ARID2: variants seen among roughly 807,000 people sequenced by gnomAD.
The protein encoded by ARID2 is AT-rich interaction domain 2, also known as AT-rich interactive domain-containing protein 2.
In ARID2, 32 loss-of-function variants were observed where a neutral mutation model predicts 184.6. That is an observed-to-expected ratio of 0.17 (90% CI 0.13 to 0.23). The LOEUF (loss-of-function observed/expected upper bound fraction) is 0.23. Ranked by LOEUF, ARID2 falls within the 10% of genes least tolerant of loss-of-function variation. The pLI, the probability that ARID2 is intolerant of heterozygous loss-of-function variation, is 1.00. For synonymous variants in ARID2, 836 were observed against 772.6 expected (o/e 1.08, Z -1.36); for missense variants, 1,696 against 2,197.6 (o/e 0.77, Z 4.56).
chr12:45,774,444 G>A (rs760922540), intron 3 of ARID2, among the ~76,000 whole-genome samples: 1 of 152,032 alleles, frequency 6.6e-6, no homozygotes, highest in Non-Finnish European at 1.5e-5. Flanking sequence ...ATTTGTATGC[G>A]TCTCACTTGA....
chr12:45,875,551 A>G (rs1943996774), intron 16 of ARID2, among the ~76,000 whole-genome samples: 1 of 152,224 alleles, frequency 6.6e-6, no homozygotes, highest in Non-Finnish European at 1.5e-5. Context: ...TCTAGCTATG[A>G]AAGTCCTAGA....
intron 3 of ARID2, among the ~76,000 whole-genome samples, chr12:45,783,324 G>GA (rs1942132457): frequency 1.3e-5 from 2 of 152,268 alleles, no homozygotes; most frequent in Non-Finnish European, 2.9e-5. Flanking sequence ...GCACTACAGT[G>GA]AAAAATATAT....
chr12:45,794,672 AG>A (rs1942355928), intron 3 of ARID2, among the ~76,000 whole-genome samples: 1 of 152,198 alleles, frequency 6.6e-6, no homozygotes, highest in Non-Finnish European at 1.5e-5. Context: ...CTAATGGTAG[AG>A]GGCATTCGTC....
At position 45,906,078 on chromosome 12, in the gene ARID2, A is replaced by T. The variant is rs936240922; in HGVS notation, c.*1000A>T. ...AAGGTATTTTTTGGTTTTCCTTAAC[A>T]TGTATCCACTGTAAACGTTTGTCGT... On this transcript the variant is annotated 3_prime_UTR_variant, in exon 21 of 21. Transcript: ENST00000334344. The T allele has an allele frequency of 4.3e-6, 1 of 232,160 alleles. No individual in the cohort carries two copies. Among genetic ancestry groups the T allele is most frequent in the Admixed American group, 5.6e-5 (1 of 17,718 alleles). 14.4% of individuals were successfully genotyped at this position (232,160 alleles called of 1,614,324 possible). A position where few individuals can be genotyped will look rare whatever the true frequency, so the allele number is the denominator to read the frequency against.
At chr12:45,819,076 A>G (rs762122521) in intron 5 of ARID2, among the ~76,000 whole-genome samples, 41 of 152,166 alleles carry the variant, frequency 2.7e-4, no homozygotes, top group Non-Finnish European at 5.6e-4. Flanking sequence ...GGAGTTGAAA[A>G]TTGTTTCACA....
At chr12:45,857,332 G>A (rs764414484) in intron 15 of ARID2, among the ~76,000 whole-genome samples, 14 of 152,106 alleles carry the variant, frequency 9.2e-5, no homozygotes, top group Non-Finnish European at 1.6e-4. Context: ...AGCCTCAGGC[G>A]GGGGCAGCAT....
intron 3 of ARID2, among the ~76,000 whole-genome samples, chr12:45,796,623 C>T (rs539200492): frequency 6.6e-6 from 1 of 152,220 alleles, no homozygotes; most frequent in East Asian, 1.9e-4. Flanking sequence ...AAGCAGTTCG[C>T]CTGCTTTAGT....
intron 13 of ARID2, among the ~76,000 whole-genome samples, chr12:45,849,336 TTA>T (rs1943498144): frequency 5.3e-5 from 8 of 152,196 alleles, no homozygotes; most frequent in Admixed American, 5.2e-4. Flanking sequence ...TAGGTATCTT[TTA>T]TTAGTTATAT....
In ARID2 at chr12:45,749,205, A is replaced by G. The variant is rs1362247062; in HGVS notation, c.284+17891A>G. Among the ~76,000 whole-genome samples, 5 of 152,192 alleles carry G rather than the reference A, an allele frequency of 3.3e-5. No individual in the cohort carries two copies. The East Asian group carries it at 9.6e-4, about 29-fold the overall frequency. ...CCTTGTTCCATGGGCTGTAGAATGG[A>G]TGTTGTGTCAGCAGCATGAAAACAA... is the stretch of plus-strand genomic sequence containing the variant. On this transcript the variant is annotated intron_variant, in intron 3 of 20. Transcript: ENST00000334344.
chr12:45,762,045 T>C (rs1253291340), intron 3 of ARID2, among the ~76,000 whole-genome samples: 1 of 152,174 alleles, frequency 6.6e-6, no homozygotes. Flanking sequence ...TTCTCTTAAC[T>C]GCTTATTCCT....
At chr12:45,881,453 G>T in intron 16 of ARID2, 1 of 153,374 alleles carries the variant, frequency 6.5e-6, no homozygotes. Context: ...CACGTCCTCA[G>T]TGAGTGGCTG....
intron 4 of ARID2, among the ~76,000 whole-genome samples, chr12:45,815,175 A>T (rs1942784118): frequency 6.6e-6 from 1 of 152,176 alleles, no homozygotes; most frequent in South Asian, 2.1e-4. Flanking sequence ...ATTCAGATTT[A>T]CCTGAAAGCT....
chr12:45,731,184 C>G (rs368869330), intron 2 of ARID2, 33 bp from the exon 3 acceptor site: 10 of 1,462,390 alleles, frequency 6.8e-6, no homozygotes, highest in Middle Eastern at 1.7e-4. Context: ...TTAGATTGTT[C>G]ACGTTCAGAC....
intron 16 of ARID2, among the ~76,000 whole-genome samples, chr12:45,862,257 A>G (rs528781435): frequency 6.6e-6 from 1 of 152,272 alleles, no homozygotes; most frequent in African/African-American, 2.4e-5. Context: ...AGTTATATAT[A>G]TGTGACCTAT....
At chr12:45,764,436 CA>C (rs1941734992) in intron 3 of ARID2, among the ~76,000 whole-genome samples, 2 of 152,144 alleles carry the variant, frequency 1.3e-5, no homozygotes, top group African/African-American at 2.4e-5. Flanking sequence ...TTGACACATG[CA>C]AACAGTTGTG....
chr12:45,893,665 A>G lies in ARID2; in HGVS notation c.5307A>G (p.Arg1769=). ...AGGGACCAATAACTAAACACATCCG[A>G]CTAACAGCTGCCTTAATATTAAAAA... The part of the protein sequence containing the change: ...EKEGPITKHI[R]LTAALILKNI... Residue 1769 remains arginine (R), a synonymous_variant, in exon 20 of 21, where the codon CGA becomes CGG. Coordinates refer to ENST00000334344, the MANE Select transcript of ARID2 (RefSeq NM_152641.4). The G allele has an allele frequency of 6.2e-7, 1 of 1,607,134 alleles. No individual in the cohort carries two copies. The highest frequency in any genetic ancestry group is 8.5e-7 in the Non-Finnish European group (1 of 1,178,292).
At chr12:45,897,132 A>G (rs1483294313) in intron 20 of ARID2, among the ~76,000 whole-genome samples, 3 of 152,222 alleles carry the variant, frequency 2.0e-5, no homozygotes, top group Admixed American at 2.0e-4. Flanking sequence ...GTCCTCACAT[A>G]TTTGGTCAAA....
At chr12:45,752,661 C>CT (rs1034277458) in intron 3 of ARID2, among the ~76,000 whole-genome samples, 3 of 152,122 alleles carry the variant, frequency 2.0e-5, no homozygotes, top group African/African-American at 7.2e-5. Context: ...AGCTAGGACT[C>CT]AGACTCATAC....
chr12:45,817,972 T>G (rs946778456), intron 5 of ARID2, 84 bp downstream of exon 5: 1 of 1,012,578 alleles, frequency 9.9e-7, no homozygotes, highest in Non-Finnish European at 1.4e-6. Flanking sequence ...ACTTTTTGTT[T>G]GTCAACATAA....
Sources: allele counts gnomAD v4.1 joint callset (sites outside exome capture counted in the v4.1 genomes callset), GRCh38; gene constraint gnomAD v4.1.1; transcripts MANE v1.5; gene names NCBI Gene and HGNC (gene_info 2026-07-23, HGNC 2026-07-21).